The following GUK1 variants were observed in gnomAD, a reference collection of about 807,000 sequenced individuals.
The protein encoded by GUK1 is guanylate kinase 1, also known as guanylate kinase.
GUK1 carries 18 observed loss-of-function variants against 25.2 expected under a neutral mutation model. The observed-to-expected ratio is 0.71, with a 90% CI of 0.49 to 1.06. GUK1 has a LOEUF of 1.06. Ranked by LOEUF, GUK1 falls within the 50% of genes least tolerant of loss-of-function variation. The pLI is 0.00. For synonymous variants in GUK1, 105 were observed against 117.6 expected (o/e 0.89, Z 0.69); for missense variants, 261 against 276.7 (o/e 0.94, Z 0.40).
chr1:228,140,351 G>A lies in GUK1; in HGVS notation c.-180G>A. 3 of 1,524,174 alleles carry A rather than the reference G, an allele frequency of 2.0e-6. No individual in the cohort carries two copies. The highest frequency in any genetic ancestry group is 2.6e-6 in the Non-Finnish European group (3 of 1,143,866). 94.4% of individuals were successfully genotyped at this position (1,524,174 alleles called of 1,614,324 possible). A position where few individuals can be genotyped will look rare whatever the true frequency, so the allele number is the denominator to read the frequency against. ...GCTGGCTGCGGCCGCCCTGGGCCGGGCCCCACCGGACGGTGAGTACGACAA... is the reference window on the plus strand; with the variant it reads ...GCTGGCTGCGGCCGCCCTGGGCCGGACCCCACCGGACGGTGAGTACGACAA... On this transcript the variant is annotated 5_prime_UTR_variant, in exon 1 of 9. Transcript: ENST00000312726.
chr1:228,144,691 C>T, intron 2 of GUK1: 1 of 982,182 alleles, frequency 1.0e-6, no homozygotes, highest in Non-Finnish European at 1.2e-6. Context: ...GCACCCCCAG[C>T]TCTCAGTCCA....
At chr1:228,140,255 G>A (rs1424364259), upstream of GUK1, 4 of 1,483,584 alleles carry the variant, frequency 2.7e-6, no homozygotes, top group Admixed American at 6.1e-5. Context: ...GAGGTGGGCC[G>A]GTGCGGCGCT....
chr1:228,145,385 T>G lies in GUK1; in HGVS notation c.-2-126T>G, dbSNP rs576213063. 1.2e-5 allele frequency: 12 copies of G among 985,040 alleles called. No individual in the cohort carries two copies. The African/African-American group carries it at 1.8e-4, about 15-fold the overall frequency. The allele number at this position is 985,040 out of a possible 1,614,324, so 61.0% of individuals were successfully genotyped here. ...AAGAACACCCAGGCTCTCAGGAGACTCTCAGGCCAATGTCTCCATCCCTGG... is the reference window on the plus strand; with the variant it reads ...AAGAACACCCAGGCTCTCAGGAGACGCTCAGGCCAATGTCTCCATCCCTGG... On this transcript the variant is annotated intron_variant, in intron 2 of 8. Coordinates refer to ENST00000312726, the MANE Select transcript of GUK1 (RefSeq NM_000858.7).
Position 228,148,368 on chromosome 1 carries a change from C to T in GUK1, c.476-3C>T, listed in dbSNP as rs2034520404. ...GTGCCCTGACCCCAGGCCCCACCCA[C>T]AGGCAAGGAGCCCGGCCTGTTTGAT... On this transcript the variant is annotated splice_polypyrimidine_tract_variant and splice_region_variant and intron_variant, in intron 7 of 8. Transcript: ENST00000312726. 1 of 1,557,338 alleles carries T rather than the reference C, an allele frequency of 6.4e-7. No homozygotes were observed. The highest frequency in any genetic ancestry group is 8.7e-7 in the Non-Finnish European group (1 of 1,145,194).
intron 8 of GUK1, 99 bp from the exon 8 acceptor site, chr1:228,148,566 A>G (rs2034534801): frequency 7.3e-7 from 1 of 1,378,966 alleles, no homozygotes. Context: ...CTACCCAAGC[A>G]CTGGCATGAG....
At chr1:228,146,415 G>T (rs1409384771) in intron 4 of GUK1, 9 of 456,406 alleles carry the variant, frequency 2.0e-5, no homozygotes, top group Non-Finnish European at 3.6e-5. Flanking sequence ...TACTCTGCCT[G>T]CCTGATTCAA....
chr1:228,140,381 G>T lies in GUK1; in HGVS notation c.-168+18G>T, dbSNP rs1311197777. On this transcript the variant is annotated intron_variant, in intron 1 of 8. Transcript: ENST00000312726. ...ACCGGACGGTGAGTACGACAAGCGCGATCGCGAGGGTGACTCGGGTCGAGG... is the reference window on the plus strand; with the variant it reads ...ACCGGACGGTGAGTACGACAAGCGCTATCGCGAGGGTGACTCGGGTCGAGG... 2 of 1,495,740 alleles carry T rather than the reference G, an allele frequency of 1.3e-6. No homozygotes were observed. Among genetic ancestry groups the T allele is most frequent in the African/African-American group, 1.4e-5 (1 of 69,216 alleles). The allele number at this position is 1,495,740 out of a possible 1,614,324, so 92.7% of individuals were successfully genotyped here.
At position 228,147,600 on chromosome 1, in the gene GUK1, C is replaced by G; in HGVS notation, c.391-15C>G. On this transcript the variant is annotated splice_polypyrimidine_tract_variant and intron_variant, in intron 6 of 8. Coordinates refer to ENST00000312726, the MANE Select transcript of GUK1 (RefSeq NM_000858.7). ...GCCAGGGCATGCCAGGCTCTGATTGCCACCCCCTTTTTAGGAGCAGCGGCT... is the reference window on the plus strand; with the variant it reads ...GCCAGGGCATGCCAGGCTCTGATTGGCACCCCCTTTTTAGGAGCAGCGGCT... 1 of 1,613,050 alleles carries G rather than the reference C, an allele frequency of 6.2e-7. No individual in the cohort carries two copies. Among genetic ancestry groups the G allele is most frequent in the Non-Finnish European group, 8.5e-7 (1 of 1,179,728 alleles).
chr1:228,147,535 G>A lies in GUK1; in HGVS notation c.381G>A (p.Leu127=). Residue 127 remains leucine, a synonymous_variant, in exon 6 of 9, where the codon CTG becomes CTA. Transcript: ENST00000312726. ...ACATCTCTGTGCAGCCGCCTTCACT[G>A]CACGTGCTGGTGTGTGCTGGGCAGG... The A allele has an allele frequency of 6.2e-7, 1 of 1,613,334 alleles. No individual in the cohort carries two copies. Among genetic ancestry groups the A allele is most frequent in the Non-Finnish European group, 8.5e-7 (1 of 1,179,950 alleles).
chr1:228,147,771 ACCCT>A, intron 7 of GUK1, 72 bp downstream of exon 6: 1 of 1,370,184 alleles, frequency 7.3e-7, no homozygotes, highest in East Asian at 2.4e-5. Flanking sequence ...GGCACCAGGG[ACCCT>A]GTGGGTCCCC....
chr1:228,143,830 G>T (rs1199786667), intron 2 of GUK1, among the ~76,000 whole-genome samples: 4 of 152,198 alleles, frequency 2.6e-5, no homozygotes, highest in Admixed American at 1.3e-4. Flanking sequence ...TGGGGTGCAT[G>T]GTGAGATGAA....
intron 4 of GUK1, 193 bp downstream of exon 3, chr1:228,146,260 G>T: frequency 1.7e-6 from 1 of 588,036 alleles, no homozygotes; most frequent in Non-Finnish European, 3.1e-6. Flanking sequence ...CCTTCCTTGG[G>T]TACAGTGTGA....
chr1:228,146,002 A>G, intron 3 of GUK1, 24 bp from the exon 3 acceptor site: 1 of 1,596,574 alleles, frequency 6.3e-7, no homozygotes, highest in East Asian at 2.2e-5. Context: ...GCAGCCCCCG[A>G]TGGGTGACAG....
chr1:228,148,231 C>G (rs774878292), intron 7 of GUK1, 140 bp from the exon 7 acceptor site: 24 of 731,898 alleles, frequency 3.3e-5, no homozygotes, highest in Admixed American at 8.0e-5. Context: ...CTACCCTGCA[C>G]AGGCCCGGCT....
intron 2 of GUK1, among the ~76,000 whole-genome samples, chr1:228,142,916 G>A (rs76032528): frequency 0.013 from 2,040 of 152,096 alleles, 25 homozygotes; most frequent in Middle Eastern, 0.031. Flanking sequence ...TTTGGCGATT[G>A]ATGTGCCACG....
At chr1:228,148,073 G>A in intron 7 of GUK1, 1 of 577,248 alleles carries the variant, frequency 1.7e-6, no homozygotes, top group East Asian at 2.8e-5. Flanking sequence ...CACAAGAAGA[G>A]GGCATTTAAT....
intron 5 of GUK1, 123 bp from the exon 5 acceptor site, chr1:228,147,269 CGGGTGCTGGGTCCA>C: frequency 1.3e-6 from 1 of 798,536 alleles, no homozygotes; most frequent in Middle Eastern, 3.7e-4. Context: ...GAGATGCTGT[CGGGTGCTGGGTCCA>C]GGCCAGGCCT....
intron 4 of GUK1, 176 bp from the exon 4 acceptor site, chr1:228,146,666 C>T (rs2034395112): frequency 6.5e-6 from 4 of 617,096 alleles, no homozygotes; most frequent in South Asian, 1.8e-5. Context: ...GTGTCTGGCT[C>T]AGGCACTTGG....
chr1:228,145,468 T>C (rs761782492), intron 2 of GUK1, 43 bp from the exon 2 acceptor site: 2 of 1,547,156 alleles, frequency 1.3e-6, no homozygotes, highest in Admixed American at 1.9e-5. Flanking sequence ...AGATGGGGAC[T>C]AGAGGCCGCA....
Sources: gnomAD v4.1 joint callset for allele counts (sites outside exome capture counted in the v4.1 genomes callset) on GRCh38, gnomAD v4.1.1 for gene constraint, MANE v1.5 for transcripts, NCBI Gene and HGNC (gene_info 2026-07-23, HGNC 2026-07-21) for gene names.